The following HIVEP2 variants were observed in gnomAD, a reference collection of about 807,000 sequenced individuals.
HIVEP2 encodes the protein transcription factor HIVEP2.
In HIVEP2, 14 loss-of-function variants were observed where a neutral mutation model predicts 180.7. The observed-to-expected ratio is 0.08, with a 90% CI of 0.05 to 0.12. The LOEUF (loss-of-function observed/expected upper bound fraction) is 0.12, where lower values mean the gene tolerates loss of function less well. Among genes scored for constraint, HIVEP2 ranks in the 10% least tolerant of loss-of-function variants. The pLI is 1.00. For synonymous variants in HIVEP2, 1,184 were observed against 1,136.4 expected, an observed-to-expected ratio of 1.04 and a Z score of -0.84; for missense variants, 2,579 against 3,008.5, an observed-to-expected ratio of 0.86 and a Z score of 3.34.
At chr6:142,857,156 TA>T (rs1337979533) in intron 1 of HIVEP2, among the ~76,000 whole-genome samples, 1 of 145,478 alleles carries the variant, frequency 6.9e-6, no homozygotes, top group African/African-American at 2.6e-5. Flanking sequence ...ATGCCAAAAA[TA>T]AAAAGGTAGA....
At chr6:142,900,540 C>T (rs1314134358) in intron 1 of HIVEP2, among the ~76,000 whole-genome samples, 1 of 152,196 alleles carries the variant, frequency 6.6e-6, no homozygotes, top group Non-Finnish European at 1.5e-5. Flanking sequence ...AAACAGCTCT[C>T]CCTGGAATAA....
At chr6:142,882,383 A>G (rs1776594541) in intron 1 of HIVEP2, among the ~76,000 whole-genome samples, 1 of 152,098 alleles carries the variant, frequency 6.6e-6, no homozygotes, top group Non-Finnish European at 1.5e-5. Flanking sequence ...GGCCAAGGTG[A>G]GAGGATCACT....
At chr6:142,877,594 C>A (rs1337468380) in intron 1 of HIVEP2, among the ~76,000 whole-genome samples, 3 of 150,326 alleles carry the variant, frequency 2.0e-5, no homozygotes, top group Non-Finnish European at 4.4e-5. Flanking sequence ...GTGCATCATT[C>A]TACACCTTTG....
intron 1 of HIVEP2, among the ~76,000 whole-genome samples, chr6:142,889,139 T>C (rs1409171066): frequency 6.6e-6 from 1 of 152,202 alleles, no homozygotes; most frequent in Non-Finnish European, 1.5e-5. Context: ...TTTGTTGAAC[T>C]AAAGTGGACT....
chr6:142,845,716 T>C (rs1158702849), intron 1 of HIVEP2, among the ~76,000 whole-genome samples: 3 of 152,236 alleles, frequency 2.0e-5, no homozygotes, highest in Non-Finnish European at 4.4e-5. Context: ...TGAAGGTCGA[T>C]GCAATGTCCC....
chr6:142,840,203 C>A (rs546316547), intron 1 of HIVEP2, among the ~76,000 whole-genome samples: 2 of 152,178 alleles, frequency 1.3e-5, no homozygotes, highest in Non-Finnish European at 1.5e-5. Flanking sequence ...ACAAGTTATA[C>A]GCCCAAGACA....
chr6:142,932,163 A>G (rs1045907653), intron 1 of HIVEP2, among the ~76,000 whole-genome samples: 5 of 152,202 alleles, frequency 3.3e-5, no homozygotes, highest in African/African-American at 1.2e-4. Flanking sequence ...TAGATTATAA[A>G]GTCCTGATGA....
At position 142,770,277 on chromosome 6, in the gene HIVEP2, A is replaced by G; in HGVS notation, c.4462T>C (p.Ser1488Pro). The part of the protein sequence containing the change: ...LTNSDIKKDL[S>P]RPQKPQLVRQ... ...ACCAGCTGGGGTTTCTGGGGGCGGGAGAGGTCCTTTTTGATGTCTGAGTTG... is the reference window on the plus strand; with the variant it reads ...ACCAGCTGGGGTTTCTGGGGGCGGGGGAGGTCCTTTTTGATGTCTGAGTTG... Residue 1488 changes from serine (S) to proline (P), a missense_variant, in exon 5 of 10, where the codon TCC becomes CCC. Transcript: ENST00000367603. The surrounding 1 kb of genome is among the most constrained non-coding windows in gnomAD (Gnocchi z 4.7). The G allele has an allele frequency of 6.2e-7, 1 of 1,614,124 alleles. No homozygotes were observed. The highest frequency in any genetic ancestry group is 2.2e-5 in the East Asian group (1 of 44,852).
At chr6:142,940,202 T>A (rs1481192580) in intron 1 of HIVEP2, among the ~76,000 whole-genome samples, 3 of 152,340 alleles carry the variant, frequency 2.0e-5, no homozygotes, top group African/African-American at 7.2e-5. Flanking sequence ...GGTAGTTATT[T>A]ATTAATTGAA....
intron 3 of HIVEP2, among the ~76,000 whole-genome samples, chr6:142,778,946 A>C (rs2114680436): frequency 6.6e-6 from 1 of 152,352 alleles, no homozygotes; most frequent in East Asian, 1.9e-4. Context: ...TAGTACAAAA[A>C]ATGGCCCCAA....
Position 142,775,037 on chromosome 6 carries a change from A to G in HIVEP2, c.-299T>C. 8 of 1,120,310 alleles carry G rather than the reference A, an allele frequency of 7.1e-6. No individual in the cohort carries two copies. Among genetic ancestry groups the G allele is most frequent in the Non-Finnish European group, 8.7e-6 (8 of 915,264 alleles). 69.4% of individuals were successfully genotyped at this position (1,120,310 alleles called of 1,614,324 possible). ...TGGCATTTGAAAATTTTCAACTAGGATGAAATTGGGATGATGAATAGTCTA... is the reference window on the plus strand; with the variant it reads ...TGGCATTTGAAAATTTTCAACTAGGGTGAAATTGGGATGATGAATAGTCTA... On this transcript the variant is annotated 5_prime_UTR_variant, in exon 5 of 10. Transcript: ENST00000367603.
Position 142,818,732 on chromosome 6 carries a change from G to GA in HIVEP2, c.-528+18202dup, listed in dbSNP as rs1203761266. Among the ~76,000 whole-genome samples the GA allele has an allele frequency of 2.5e-3, 101 of 40,756 alleles. 1 individual carries two copies. The highest frequency in any genetic ancestry group is 0.01 in the African/African-American group (97 of 9,304). The allele number at this position is 40,756 out of a possible 152,430, so 26.7% of individuals were successfully genotyped here. A position where few individuals can be genotyped will look rare whatever the true frequency, so the allele number is the denominator to read the frequency against. ...GAAAGAAAGAAAGAAAAGAAAGAAA[G>GA]AAAAGAAAGAAAGAAAGAAAGAAAG... On this transcript the variant is annotated intron_variant, in intron 2 of 9. Transcript: ENST00000367603.
At chr6:142,924,210 T>C (rs1777747496) in intron 1 of HIVEP2, among the ~76,000 whole-genome samples, 1 of 152,230 alleles carries the variant, frequency 6.6e-6, no homozygotes, top group Non-Finnish European at 1.5e-5. Flanking sequence ...AAAAATCAAA[T>C]AATATCTCAC....
At chr6:142,901,084 T>C (rs540361391) in intron 1 of HIVEP2, among the ~76,000 whole-genome samples, 88 of 152,342 alleles carry the variant, frequency 5.8e-4, no homozygotes, top group African/African-American at 2.1e-3. Context: ...TATATTTTTT[T>C]ACTCCTTATA....
intron 1 of HIVEP2, among the ~76,000 whole-genome samples, chr6:142,901,953 A>G (rs866592119): frequency 1.3e-5 from 2 of 152,348 alleles, no homozygotes; most frequent in Non-Finnish European, 1.5e-5. Context: ...AGTGCTCTGC[A>G]AAATGAAATC....
In HIVEP2 at chr6:142,775,061, T is replaced by C. The variant is rs914062401; in HGVS notation, c.-323A>G. The C allele has an allele frequency of 6.8e-5, 72 of 1,058,872 alleles. 1 individual carries two copies. Among genetic ancestry groups the C allele is most frequent in the Middle Eastern group, 8.7e-4 (2 of 2,304 alleles). The allele number at this position is 1,058,872 out of a possible 1,614,324, so 65.6% of individuals were successfully genotyped here. A position where few individuals can be genotyped will look rare whatever the true frequency, so the allele number is the denominator to read the frequency against. On this transcript the variant is annotated 5_prime_UTR_variant, in exon 5 of 10. Coordinates refer to ENST00000367603, the MANE Select transcript of HIVEP2 (RefSeq NM_006734.4). The stretch of plus-strand genomic sequence containing the variant: ...GATGAAATTGGGATGATGAATAGTC[T>C]AGGAGAAATTTTGCCCATCAACTAG...
At chr6:142,933,581 A>G (rs1160250658) in intron 1 of HIVEP2, among the ~76,000 whole-genome samples, 1 of 152,210 alleles carries the variant, frequency 6.6e-6, no homozygotes, top group Non-Finnish European at 1.5e-5. Flanking sequence ...GAAGATGTAA[A>G]ATTTTTCCAG....
At chr6:142,834,407 T>A (rs953632868) in intron 2 of HIVEP2, among the ~76,000 whole-genome samples, 2 of 152,188 alleles carry the variant, frequency 1.3e-5, no homozygotes, top group African/African-American at 4.8e-5. Context: ...TAATTACTGC[T>A]CTTTAACCCA....
chr6:142,938,113 C>T (rs1204630378), intron 1 of HIVEP2, among the ~76,000 whole-genome samples: 1 of 152,198 alleles, frequency 6.6e-6, no homozygotes, highest in Non-Finnish European at 1.5e-5. Flanking sequence ...CTGTTCCAAT[C>T]TCTTCCATTT....
Sources: gnomAD v4.1 joint callset for allele counts (sites outside exome capture counted in the v4.1 genomes callset) on GRCh38, gnomAD v4.1.1 for gene constraint, Gnocchi (gnomAD v3.1) non-coding constraint, MANE v1.5 for transcripts, NCBI Gene and HGNC (gene_info 2026-07-23, HGNC 2026-07-21) for gene names.